INPP4B: variants seen among roughly 807,000 people sequenced by gnomAD.
INPP4B encodes inositol polyphosphate-4-phosphatase type II B.
In INPP4B, 55 loss-of-function variants were observed where a neutral mutation model predicts 122.5. The observed-to-expected ratio is 0.45, with a 90% CI of 0.36 to 0.56. The LOEUF (loss-of-function observed/expected upper bound fraction) is 0.56, where lower values mean the gene tolerates loss of function less well. INPP4B is among the 20% of genes least tolerant of loss of function. The pLI, the probability that INPP4B is intolerant of heterozygous loss-of-function variation, is 0.00. For missense variants in INPP4B, 1,000 were observed against 1,097.7 expected (o/e 0.91, Z 1.26); for synonymous variants, 403 against 388.7 (o/e 1.04, Z -0.43).
At chr4:142,535,818 G>A (rs139922268) in intron 2 of INPP4B, among the ~76,000 whole-genome samples, 1 of 151,744 alleles carries the variant, frequency 6.6e-6, no homozygotes, top group South Asian at 2.1e-4. Context: ...TCAGTCTTCA[G>A]TTATCAACTC....
In INPP4B at chr4:142,198,463, T is replaced by A. The variant is rs183943249; in HGVS notation, c.1073-5268A>T. Among the ~76,000 whole-genome samples, 825 of 151,800 alleles carry A rather than the reference T, an allele frequency of 5.4e-3. 7 individuals carry two copies. The highest frequency in any genetic ancestry group is 0.019 in the African/African-American group (788 of 41,426). ...TATAGTTTTCATGTGTTCCTTTTTT[T>A]AAAAAAAAGAATACTTTTTTCTTAA... On this transcript the variant is annotated intron_variant, in intron 14 of 25. Coordinates refer to ENST00000262992, the MANE Select transcript of INPP4B (RefSeq NM_001101669.3).
chr4:142,813,779 G>A (rs1779794056), intron 1 of INPP4B, among the ~76,000 whole-genome samples: 1 of 152,096 alleles, frequency 6.6e-6, no homozygotes, highest in South Asian at 2.1e-4. Flanking sequence ...AGTAACTGAT[G>A]TAACCTCTTA....
intron 7 of INPP4B, among the ~76,000 whole-genome samples, chr4:142,371,236 A>G (rs1374092130): frequency 1.3e-5 from 2 of 152,112 alleles, no homozygotes; most frequent in Admixed American, 6.6e-5. Flanking sequence ...GAAGAATGAA[A>G]CTAGACCCCA....
rs528421411 is a variant in INPP4B at position 142,782,822 on chromosome 4, G to A, written c.-253-56921C>T. On this transcript the variant is annotated intron_variant, in intron 1 of 25. Coordinates refer to ENST00000262992, the MANE Select transcript of INPP4B (RefSeq NM_001101669.3). ...GTACTGGTACCAAAACAGAGATATA[G>A]ATCAATGGAACAGAACAGAGCCCTC... is the stretch of plus-strand genomic sequence containing the variant. Among the ~76,000 whole-genome samples the A allele has an allele frequency of 7.2e-5, 11 of 152,248 alleles. No homozygotes were observed. The South Asian group carries it at 2.1e-3, about 29-fold the overall frequency.
At chr4:142,284,220 T>C (rs1393636001) in intron 9 of INPP4B, among the ~76,000 whole-genome samples, 1 of 152,024 alleles carries the variant, frequency 6.6e-6, no homozygotes, top group Non-Finnish European at 1.5e-5. Flanking sequence ...ACCAGAGAAA[T>C]GGGACATAAG....
intron 1 of INPP4B, among the ~76,000 whole-genome samples, chr4:142,820,892 G>A (rs1580994270): frequency 6.6e-6 from 1 of 152,138 alleles, no homozygotes; most frequent in African/African-American, 2.4e-5. Flanking sequence ...CTTAAGGAAA[G>A]AATTTATTTA....
At chr4:142,806,993 C>T (rs967938987) in intron 1 of INPP4B, among the ~76,000 whole-genome samples, 1 of 152,044 alleles carries the variant, frequency 6.6e-6, no homozygotes, top group Non-Finnish European at 1.5e-5. Flanking sequence ...GTTCATCCGA[C>T]AAAAAATCAT....
chr4:142,689,217 A>C (rs145205715), intron 2 of INPP4B, among the ~76,000 whole-genome samples: 37 of 152,250 alleles, frequency 2.4e-4, no homozygotes, highest in African/African-American at 8.7e-4. Context: ...TATTCTCAGG[A>C]GGCTAATGGT....
chr4:142,463,143 G>A (rs990825428), intron 2 of INPP4B, among the ~76,000 whole-genome samples: 5 of 152,172 alleles, frequency 3.3e-5, no homozygotes, highest in African/African-American at 1.2e-4. Context: ...CTAGCTTCTG[G>A]GAGAAAACCT....
chr4:142,739,466 C>T (rs867112941), intron 1 of INPP4B, among the ~76,000 whole-genome samples: 17 of 151,870 alleles, frequency 1.1e-4, no homozygotes, highest in African/African-American at 3.1e-4. Flanking sequence ...AACTGTGTGA[C>T]GTGTGATAAC....
chr4:142,032,946 CCAGAAAAGACTCA>C (rs1741291625), intron 25 of INPP4B, among the ~76,000 whole-genome samples: 2 of 146,874 alleles, frequency 1.4e-5, no homozygotes, highest in African/African-American at 5.2e-5. Flanking sequence ...TTTTTTTTTT[CCAGAAAAGACTCA>C]CAGATTCTGT....
chr4:142,055,618 A>G (rs982566683), intron 25 of INPP4B, among the ~76,000 whole-genome samples: 3 of 137,526 alleles, frequency 2.2e-5, no homozygotes, highest in Non-Finnish European at 4.8e-5. Context: ...ATAAGTAATC[A>G]TAAAGTGGTT....
At chr4:142,576,229 T>C (rs773297647) in intron 2 of INPP4B, among the ~76,000 whole-genome samples, 10 of 152,020 alleles carry the variant, frequency 6.6e-5, no homozygotes, top group Non-Finnish European at 1.2e-4. Context: ...TAGAATTGCA[T>C]TCTAGTAGCA....
intron 1 of INPP4B, among the ~76,000 whole-genome samples, chr4:142,782,170 C>T (rs966246325): frequency 3.8e-4 from 58 of 151,878 alleles, no homozygotes; most frequent in Middle Eastern, 3.4e-3. Context: ...GTGTGATGTT[C>T]CCCTTCCTGT....
chr4:142,196,358 A>G lies in INPP4B; in HGVS notation c.1073-3163T>C, dbSNP rs1023376675. Among the ~76,000 whole-genome samples, 5 of 152,240 alleles carry G rather than the reference A, an allele frequency of 3.3e-5. No individual in the cohort carries two copies. The South Asian group carries it at 1.0e-3, about 32-fold the overall frequency. ...CAATTCCTAACTGCTTGATGGGCAC[A>G]TCTGAGTGTCAAAGCCTATTAAGCT... is the stretch of plus-strand genomic sequence containing the variant. On this transcript the variant is annotated intron_variant, in intron 14 of 25. Coordinates refer to ENST00000262992, the MANE Select transcript of INPP4B (RefSeq NM_001101669.3).
chr4:142,378,601 C>T (rs2148818432), intron 7 of INPP4B, among the ~76,000 whole-genome samples: 1 of 152,242 alleles, frequency 6.6e-6, no homozygotes, highest in East Asian at 1.9e-4. Flanking sequence ...TTTAAGCCTA[C>T]ATTAATTGAA....
At chr4:142,294,654 A>G (rs1561774177) in intron 9 of INPP4B, among the ~76,000 whole-genome samples, 1 of 151,612 alleles carries the variant, frequency 6.6e-6, no homozygotes, top group Non-Finnish European at 1.5e-5. Flanking sequence ...TCCCAGAGAA[A>G]TAAAGGAACT....
At chr4:142,841,028 G>T (rs1422573510) in intron 1 of INPP4B, among the ~76,000 whole-genome samples, 1 of 151,894 alleles carries the variant, frequency 6.6e-6, no homozygotes, top group Non-Finnish European at 1.5e-5. Flanking sequence ...AGGAAGACAA[G>T]AAATTTTTAC....
chr4:142,521,007 C>A (rs547840781), intron 2 of INPP4B, among the ~76,000 whole-genome samples: 2 of 151,884 alleles, frequency 1.3e-5, no homozygotes, highest in South Asian at 4.2e-4. Flanking sequence ...GACCCCAAAC[C>A]TACATTAAGT....
Sources: gnomAD v4.1 joint callset for allele counts (sites outside exome capture counted in the v4.1 genomes callset) on GRCh38, gnomAD v4.1.1 for gene constraint, MANE v1.5 for transcripts, NCBI Gene and HGNC (gene_info 2026-07-23, HGNC 2026-07-21) for gene names.